The following DYNC1I1 variants were observed in gnomAD, a reference collection of about 807,000 sequenced individuals.
DYNC1I1 encodes the protein dynein cytoplasmic 1 intermediate chain 1, also known as cytoplasmic dynein 1 intermediate chain 1.
Under a neutral mutation model 86.6 loss-of-function variants are expected in DYNC1I1, and 43 were observed. The ratio of observed to expected loss-of-function variants is 0.50; its 90% CI spans 0.39 to 0.64. The LOEUF is 0.64. Ranked by LOEUF, DYNC1I1 falls within the 30% of genes least tolerant of loss-of-function variation. DYNC1I1 has a pLI of 0.00. For missense variants in DYNC1I1, 604 were observed against 788.8 expected (o/e 0.77, Z 2.81); for synonymous variants, 262 against 283.7 (o/e 0.92, Z 0.77).
intron 10 of DYNC1I1, among the ~76,000 whole-genome samples, chr7:96,027,468 A>G (rs1794708756): frequency 6.6e-6 from 1 of 152,186 alleles, no homozygotes; most frequent in African/African-American, 2.4e-5. Flanking sequence ...TTCAGAAACC[A>G]CATTTGTGAC....
intron 6 of DYNC1I1, among the ~76,000 whole-genome samples, chr7:95,955,706 A>C (rs1792692809): frequency 6.6e-6 from 1 of 152,190 alleles, no homozygotes; most frequent in Non-Finnish European, 1.5e-5. Flanking sequence ...AAAAATTTCA[A>C]ACAGGACCAG....
At chr7:95,877,677 T>C (rs1384081778) in intron 6 of DYNC1I1, among the ~76,000 whole-genome samples, 2 of 152,196 alleles carry the variant, frequency 1.3e-5, no homozygotes, top group African/African-American at 4.8e-5. Context: ...AGCTGAAACA[T>C]AGCTAGCTTA....
intron 5 of DYNC1I1, among the ~76,000 whole-genome samples, chr7:95,856,939 A>G (rs1213000757): frequency 6.6e-6 from 1 of 152,098 alleles, no homozygotes; most frequent in Non-Finnish European, 1.5e-5. Context: ...AGATCACATC[A>G]CTGTACTCCA....
chr7:95,856,058 T>C (rs1020529935), intron 5 of DYNC1I1, among the ~76,000 whole-genome samples: 6 of 152,266 alleles, frequency 3.9e-5, no homozygotes, highest in African/African-American at 1.4e-4. Context: ...GTTGACTCTT[T>C]TGTGATAACA....
At chr7:95,946,107 A>G (rs1029259355) in intron 6 of DYNC1I1, among the ~76,000 whole-genome samples, 1 of 152,048 alleles carries the variant, frequency 6.6e-6, no homozygotes. Flanking sequence ...AACAATGAGA[A>G]CACATGGATG....
intron 16 of DYNC1I1, among the ~76,000 whole-genome samples, chr7:96,090,916 G>A (rs1250723524): frequency 1.3e-5 from 2 of 152,142 alleles, no homozygotes; most frequent in Non-Finnish European, 2.9e-5. Flanking sequence ...TTCATCCATT[G>A]TTAGCTGCGA....
At chr7:95,811,781 A>G (rs1270963759) in intron 3 of DYNC1I1, among the ~76,000 whole-genome samples, 2 of 152,118 alleles carry the variant, frequency 1.3e-5, no homozygotes, top group Non-Finnish European at 2.9e-5. Flanking sequence ...GAGCTGATAC[A>G]CATTTTTTTC....
intron 7 of DYNC1I1, among the ~76,000 whole-genome samples, chr7:95,982,199 G>A (rs1015185990): frequency 6.6e-6 from 1 of 152,104 alleles, no homozygotes; most frequent in Non-Finnish European, 1.5e-5. Context: ...TATTGTTTAT[G>A]ACTTTTAAAA....
chr7:95,869,880 CAGA>C lies in DYNC1I1; in HGVS notation c.379_381del (p.Arg127del). 6.2e-7 allele frequency: 1 copy of C among 1,612,396 alleles called. No homozygotes were observed. Among genetic ancestry groups the C allele is most frequent in the Admixed American group, 1.7e-5 (1 of 59,694 alleles). On this transcript the variant is annotated splice_acceptor_variant and coding_sequence_variant, in exon 6 of 17. Coordinates refer to ENST00000447467, the MANE Select transcript of DYNC1I1 (RefSeq NM_001135556.2). LOFTEE classifies it high-confidence loss of function. ...CTAAGCATTTATTCTTTGTTACTTACAGAAGAAGACTGCATAAACTGGGCGTGT... is the reference window on the plus strand; with the variant it reads ...CTAAGCATTTATTCTTTGTTACTTACAGAAGACTGCATAAACTGGGCGTGT...
At chr7:96,077,691 G>A (rs1790386227) in intron 15 of DYNC1I1, among the ~76,000 whole-genome samples, 1 of 152,128 alleles carries the variant, frequency 6.6e-6, no homozygotes, top group South Asian at 2.1e-4. Context: ...GACCGCTGTA[G>A]TAGAAATCCA....
rs1222989159 is a variant in DYNC1I1 at position 96,081,330 on chromosome 7, GA to G, written c.1776+853del. 2.8e-3 allele frequency among the ~76,000 whole-genome samples: 387 copies of G among 139,702 alleles called. 3 individuals are homozygous for G. The highest frequency in any genetic ancestry group is 9.2e-3 in the African/African-American group (352 of 38,268). 91.6% of individuals were successfully genotyped at this position (139,702 alleles called of 152,430 possible). On this transcript the variant is annotated intron_variant, in intron 16 of 16. Coordinates refer to ENST00000447467, the MANE Select transcript of DYNC1I1 (RefSeq NM_001135556.2). ...CTGAATGTCATGGCATGTAAAAAAG[GA>G]AAAAAAAAAACAACTACACCTTTTA...
chr7:95,825,139 G>T (rs1410943159), intron 4 of DYNC1I1, among the ~76,000 whole-genome samples: 1 of 152,198 alleles, frequency 6.6e-6, no homozygotes, highest in African/African-American at 2.4e-5. Context: ...CTGTTGTGGT[G>T]TTACATTCCT....
intron 5 of DYNC1I1, among the ~76,000 whole-genome samples, chr7:95,839,734 T>A (rs1789226342): frequency 6.6e-6 from 1 of 152,178 alleles, no homozygotes; most frequent in Admixed American, 6.5e-5. Flanking sequence ...TTCTTTAGCA[T>A]TTTTTTGTAT....
chr7:96,043,160 T>G (rs1459821065), intron 14 of DYNC1I1, among the ~76,000 whole-genome samples: 2 of 124,936 alleles, frequency 1.6e-5, no homozygotes, highest in African/African-American at 6.4e-5. Flanking sequence ...AGAGTGAGAC[T>G]CCATCTCAAA....
At position 95,947,980 on chromosome 7, in the gene DYNC1I1, CTTTT is replaced by C. The variant is rs35181190; in HGVS notation, c.491-29515_491-29512del. Among the ~76,000 whole-genome samples, 8 of 106,846 alleles carry C rather than the reference CTTTT, an allele frequency of 7.5e-5. 1 individual carries two copies. Among genetic ancestry groups the C allele is most frequent in the African/African-American group, 2.9e-4 (8 of 27,240 alleles). 70.1% of individuals were successfully genotyped at this position (106,846 alleles called of 152,430 possible). A position where few individuals can be genotyped will look rare whatever the true frequency, so the allele number is the denominator to read the frequency against. The stretch of plus-strand genomic sequence containing the variant: ...TCAAAAACCAGGTCTTTGTATGTGG[CTTTT>C]TTTTTTTTTTTTTTTTGGTAGCAAC... On this transcript the variant is annotated intron_variant, in intron 6 of 16. Coordinates refer to ENST00000447467, the MANE Select transcript of DYNC1I1 (RefSeq NM_001135556.2).
chr7:96,084,545 C>T (rs1484279185), intron 16 of DYNC1I1, among the ~76,000 whole-genome samples: 13 of 150,304 alleles, frequency 8.6e-5, no homozygotes, highest in African/African-American at 2.7e-4. Flanking sequence ...GCCTTAGCCT[C>T]CTAAGTATCT....
At chr7:95,857,126 G>A (rs540539594) in intron 5 of DYNC1I1, among the ~76,000 whole-genome samples, 1 of 152,272 alleles carries the variant, frequency 6.6e-6, no homozygotes, top group Admixed American at 6.5e-5. Flanking sequence ...TACACTCCTT[G>A]GTGACATAAC....
intron 6 of DYNC1I1, among the ~76,000 whole-genome samples, chr7:95,911,261 A>G (rs2116342116): frequency 6.6e-6 from 1 of 152,300 alleles, no homozygotes; most frequent in East Asian, 1.9e-4. Context: ...TCAGTGACCA[A>G]AGTGAAGTGA....
chr7:96,080,230 G>T (rs1233898828), intron 15 of DYNC1I1, 133 bp from the exon 16 acceptor site: 10 of 1,157,462 alleles, frequency 8.6e-6, no homozygotes, highest in Non-Finnish European at 1.2e-5. Flanking sequence ...TTTCCCCCCG[G>T]CACAAGGGAT....
Sources: allele counts gnomAD v4.1 joint callset (sites outside exome capture counted in the v4.1 genomes callset), GRCh38; gene constraint gnomAD v4.1.1; transcripts MANE v1.5; gene names NCBI Gene and HGNC (gene_info 2026-07-23, HGNC 2026-07-21).